THADA: variants seen among roughly 807,000 people sequenced by gnomAD.
The protein encoded by THADA is tRNA (32-2'-O)-methyltransferase regulator THADA.
THADA carries 213 observed loss-of-function variants against 219.8 expected under a neutral mutation model. The ratio of observed to expected loss-of-function variants is 0.97; its 90% CI spans 0.87 to 1.09. THADA has a LOEUF of 1.09. THADA is among the 50% of genes least tolerant of loss of function. The probability of loss-of-function intolerance (pLI) is 0.00; values close to 1 mark genes in which losing one functional copy is unlikely to be tolerated. For missense variants in THADA, 2,956 were observed against 2,311.3 expected (o/e 1.28, Z -5.72); for synonymous variants, 1,018 against 828.9 (o/e 1.23, Z -3.92).
At chr2:43,592,879 G>T (rs1036567625) in intron 1 of THADA, 1 of 152,344 alleles carries the variant, frequency 6.6e-6, no homozygotes. Context: ...AGGTACTACC[G>T]TGTCCTGATT....
chr2:43,412,788 C>G (rs764627365), intron 28 of THADA, among the ~76,000 whole-genome samples: 1 of 152,156 alleles, frequency 6.6e-6, no homozygotes, highest in African/African-American at 2.4e-5. Flanking sequence ...CTTTTCTTAC[C>G]TCTGAGAAGG....
Position 43,566,702 on chromosome 2 carries a change from T to C in THADA, c.2307A>G (p.Pro769=). The change falls in exon 15 of 38, where the codon CCA becomes CCG. Residue 769 remains proline, a synonymous_variant. Coordinates refer to ENST00000405975, the MANE Select transcript of THADA (RefSeq NM_022065.5). The part of the protein sequence containing the change: ...LGSIAEVFHV[P]EGRIYTVYQL... ...CTAACATTATTAAACACTTACCTTC[T>C]GGGACATGAAAAACTTCAGCTATTG... is the stretch of plus-strand genomic sequence containing the variant. 2 of 1,606,958 alleles carry C rather than the reference T, an allele frequency of 1.2e-6. No individual in the cohort carries two copies. The highest frequency in any genetic ancestry group is 1.7e-6 in the Non-Finnish European group (2 of 1,177,928).
chr2:43,428,665 T>A (rs1447783982), intron 27 of THADA, among the ~76,000 whole-genome samples: 1 of 152,012 alleles, frequency 6.6e-6, no homozygotes, highest in Admixed American at 6.6e-5. Flanking sequence ...TTTCCTTTTT[T>A]CTTTTTTTTT....
chr2:43,393,091 G>A (rs1275525860), intron 29 of THADA, among the ~76,000 whole-genome samples: 3 of 152,208 alleles, frequency 2.0e-5, no homozygotes, highest in Admixed American at 1.3e-4. Flanking sequence ...TGTATTTCCA[G>A]ATACAGATTT....
At chr2:43,509,726 G>A (rs888511627) in intron 22 of THADA, among the ~76,000 whole-genome samples, 2 of 151,996 alleles carry the variant, frequency 1.3e-5, no homozygotes, top group African/African-American at 4.8e-5. Flanking sequence ...CTCAGATTCA[G>A]CTATATGTTT....
intron 31 of THADA, among the ~76,000 whole-genome samples, chr2:43,309,912 TAC>T (rs2104433413): frequency 6.6e-6 from 1 of 152,360 alleles, no homozygotes; most frequent in Admixed American, 6.5e-5. Context: ...TGTAGCTCTA[TAC>T]AGTAGCAATG....
chr2:43,375,319 C>T (rs1297728067), intron 29 of THADA, among the ~76,000 whole-genome samples: 1 of 152,186 alleles, frequency 6.6e-6, no homozygotes, highest in African/African-American at 2.4e-5. Context: ...ATATCATCCT[C>T]TAGCCACCAC....
intron 31 of THADA, 41 bp downstream of exon 31, chr2:43,320,405 T>C (rs542246354): frequency 6.7e-7 from 1 of 1,490,086 alleles, no homozygotes; most frequent in Non-Finnish European, 9.3e-7. Context: ...ATTTCAAAGA[T>C]GTGTAACGAT....
At chr2:43,340,050 A>G (rs976262291) in intron 30 of THADA, among the ~76,000 whole-genome samples, 5 of 152,220 alleles carry the variant, frequency 3.3e-5, no homozygotes, top group African/African-American at 1.2e-4. Flanking sequence ...CCAGGACAGC[A>G]GCAGATCCCT....
Position 43,574,949 on chromosome 2 carries a change from T to C in THADA, c.1116A>G (p.Glu372=), listed in dbSNP as rs780357806. ...TGTCCGTTAGGCTCGGGGAACTTGA[T>C]TCAAGGACTTGTATGGCTGAATTAG... ...SWTNSAIQVL[E]SSSPSLTDSL... The change falls in exon 11 of 38, where the codon GAA becomes GAG. Residue 372 remains glutamate, a synonymous_variant. Transcript: ENST00000405975. 1.2e-6 allele frequency: 2 copies of C among 1,614,040 alleles called. No homozygotes were observed. The highest frequency in any genetic ancestry group is 1.7e-5 in the Admixed American group (1 of 60,028).
chr2:43,491,281 G>A (rs1318405428), intron 25 of THADA, among the ~76,000 whole-genome samples: 1 of 152,206 alleles, frequency 6.6e-6, no homozygotes, highest in Non-Finnish European at 1.5e-5. Flanking sequence ...ATCTTAATGT[G>A]AGTAATACAT....
At position 43,560,387 on chromosome 2, in the gene THADA, TA is replaced by T; in HGVS notation, c.2312-3del. 1 of 1,512,722 alleles carries T rather than the reference TA, an allele frequency of 6.6e-7. No homozygotes were observed. The highest frequency in any genetic ancestry group is 8.8e-7 in the Non-Finnish European group (1 of 1,129,996). 93.7% of individuals were successfully genotyped at this position (1,512,722 alleles called of 1,614,324 possible). On this transcript the variant is annotated splice_region_variant and splice_polypyrimidine_tract_variant and intron_variant, in intron 15 of 37. Coordinates refer to ENST00000405975, the MANE Select transcript of THADA (RefSeq NM_022065.5). ...GCTGATATACTGTATAAATTCTGCCTAAAAATATTTTAAAAACAAAAAGATT... is the reference window on the plus strand; with the variant it reads ...GCTGATATACTGTATAAATTCTGCCTAAAATATTTTAAAAACAAAAAGATT...
intron 36 of THADA, among the ~76,000 whole-genome samples, chr2:43,251,280 G>A (rs1338641250): frequency 1.3e-5 from 2 of 152,174 alleles, no homozygotes; most frequent in African/African-American, 4.8e-5. Context: ...AGAACCACTC[G>A]TCTGGTTTCC....
At chr2:43,456,500 A>T (rs978056657) in intron 26 of THADA, among the ~76,000 whole-genome samples, 18 of 152,150 alleles carry the variant, frequency 1.2e-4, no homozygotes, top group African/African-American at 4.3e-4. Flanking sequence ...ACACAGTGGC[A>T]GTGTAACCTT....
chr2:43,519,870 T>C (rs372256005), intron 22 of THADA, among the ~76,000 whole-genome samples: 77 of 152,320 alleles, frequency 5.1e-4, no homozygotes, highest in African/African-American at 1.8e-3. Flanking sequence ...ACTGTGCCTA[T>C]AAAAAGCAGA....
At chr2:43,533,016 C>A (rs903153964) in intron 21 of THADA, among the ~76,000 whole-genome samples, 1 of 152,146 alleles carries the variant, frequency 6.6e-6, no homozygotes, top group Non-Finnish European at 1.5e-5. Flanking sequence ...TATCCAGAAT[C>A]TGCAAGGAAC....
intron 31 of THADA, among the ~76,000 whole-genome samples, chr2:43,312,991 G>A (rs919764300): frequency 1.3e-5 from 2 of 152,154 alleles, no homozygotes; most frequent in Admixed American, 6.5e-5. Flanking sequence ...GCAGGTGTTT[G>A]TAAGATGCCA....
At chr2:43,391,991 G>T (rs779581868) in intron 29 of THADA, 1 of 152,104 alleles carries the variant, frequency 6.6e-6, no homozygotes. Flanking sequence ...ACACAGACCA[G>T]AAATCCATTT....
At chr2:43,394,500 A>T (rs879352149) in intron 29 of THADA, among the ~76,000 whole-genome samples, 1 of 152,216 alleles carries the variant, frequency 6.6e-6, no homozygotes, top group South Asian at 2.1e-4. Flanking sequence ...TAACAACTTT[A>T]TATTTATTTA....
Sources: gnomAD v4.1 joint callset for allele counts (sites outside exome capture counted in the v4.1 genomes callset) on GRCh38, gnomAD v4.1.1 for gene constraint, MANE v1.5 for transcripts, NCBI Gene and HGNC (gene_info 2026-07-23, HGNC 2026-07-21) for gene names.